Variants in TMEM230 observed in about 807,000 individuals in gnomAD.
The protein encoded by TMEM230 is UPF0414 transmembrane protein C20orf30.
Under a neutral mutation model 15.8 loss-of-function variants are expected in TMEM230, and 10 were observed. The observed-to-expected ratio is 0.63, with a 90% CI of 0.39 to 1.07. The LOEUF (loss-of-function observed/expected upper bound fraction) is 1.07, where lower values mean the gene tolerates loss of function less well. TMEM230 is among the 50% of genes least tolerant of loss of function. TMEM230 has a pLI of 0.01. For missense variants in TMEM230, 165 were observed against 193.3 expected (o/e 0.85, Z 0.87); for synonymous variants, 67 against 76.9 (o/e 0.87, Z 0.68).
chr20:5,108,695 C>T (rs552741716), intron 3 of TMEM230, among the ~76,000 whole-genome samples: 5 of 152,304 alleles, frequency 3.3e-5, no homozygotes, highest in East Asian at 1.9e-4. Context: ...GCTACTTCCT[C>T]GTTGGCCCTA....
intron 1 of TMEM230, among the ~76,000 whole-genome samples, chr20:5,112,007 C>A (rs1014686416): frequency 1.3e-5 from 2 of 152,088 alleles, no homozygotes; most frequent in Non-Finnish European, 2.9e-5. Context: ...CTACCACGCC[C>A]GGCTAATTTT....
chr20:5,105,494 G>A (rs1269640677), intron 4 of TMEM230, among the ~76,000 whole-genome samples: 1 of 151,850 alleles, frequency 6.6e-6, no homozygotes, highest in Non-Finnish European at 1.5e-5. Context: ...GGGAGGCTGA[G>A]GCACAAGAAT....
At chr20:5,084,209 C>T (rs1350950379) in intron 3 of TMEM230, among the ~76,000 whole-genome samples, 1 of 151,658 alleles carries the variant, frequency 6.6e-6, no homozygotes, top group East Asian at 1.9e-4. Flanking sequence ...TTTATGGCTG[C>T]ATAATATTCT....
At chr20:5,059,806 C>CCCA in the TMEM230 span, among the ~76,000 whole-genome samples, 3 of 130,694 alleles carry the variant, frequency 2.3e-5, no homozygotes, top group Non-Finnish European at 4.7e-5. Context: ...GACAGAGTCT[C>CCCA]GCTCTGTCGC....
At chr20:5,105,440 C>T (rs1411219474) in intron 4 of TMEM230, among the ~76,000 whole-genome samples, 1 of 151,610 alleles carries the variant, frequency 6.6e-6, no homozygotes, top group African/African-American at 2.4e-5. Context: ...AAAATACCAA[C>T]ATTAGCCGGG....
rs2122783654 is a variant in TMEM230, at chr20:5,106,274, T to C, written c.325A>G (p.Ile109Val). 1.2e-6 allele frequency: 2 copies of C among 1,614,032 alleles called. No individual in the cohort carries two copies. The highest frequency in any genetic ancestry group is 2.2e-5 in the East Asian group (1 of 44,884). ...AAAAACAGCACAGTGGCAAGTGCGA[T>C]GGCCTTATAAGGGATCTTAGGAGGG... The change falls in exon 4 of 5, where the codon ATC (isoleucine) becomes GTC (valine). Residue 109 changes from isoleucine to valine, a missense_variant. Transcript: ENST00000342308.
intron 3 of TMEM230, among the ~76,000 whole-genome samples, chr20:5,087,296 C>A (rs1382253207): frequency 6.6e-6 from 1 of 152,098 alleles, no homozygotes; most frequent in Non-Finnish European, 1.5e-5. Context: ...CCCTCCTAGA[C>A]AACAACCTTC....
At chr20:5,060,490 C>T in the TMEM230 span, among the ~76,000 whole-genome samples, 21 of 152,016 alleles carry the variant, frequency 1.4e-4, no homozygotes, top group African/African-American at 4.8e-4. Context: ...GAATAGACCA[C>T]GACGCCCAGC....
At chr20:5,109,726 G>A (rs1382916300) in intron 2 of TMEM230, among the ~76,000 whole-genome samples, 1 of 152,154 alleles carries the variant, frequency 6.6e-6, no homozygotes, top group Non-Finnish European at 1.5e-5. Context: ...CACTCACCAA[G>A]AATCACATTC....
Position 5,106,105 on chromosome 20 carries a change from ACACACACACACACACG to A in TMEM230, c.411+67_411+82del. ...CACACACACACACACACACACACAC[ACACACACACACACACG>A]CACACTAGAGCCTTGGCTAACATTT... On this transcript the variant is annotated intron_variant, in intron 4 of 4. Transcript: ENST00000342308. 3.3e-6 allele frequency: 5 copies of A among 1,521,340 alleles called. No homozygotes were observed. The African/African-American group carries it at 4.3e-5, about 13-fold the overall frequency. The allele number at this position is 1,521,340 out of a possible 1,614,324, so 94.2% of individuals were successfully genotyped here. A position where few individuals can be genotyped will look rare whatever the true frequency, so the allele number is the denominator to read the frequency against.
chr20:5,060,915 T>C, the TMEM230 span: 1 of 152,278 alleles, frequency 6.6e-6, no homozygotes, highest in African/African-American at 2.4e-5. Flanking sequence ...CAGATAGTTT[T>C]CCAAAGCCAT....
At chr20:5,085,136 G>A (rs1361939614) in intron 3 of TMEM230, among the ~76,000 whole-genome samples, 1 of 151,806 alleles carries the variant, frequency 6.6e-6, no homozygotes, top group Non-Finnish European at 1.5e-5. Flanking sequence ...CTGTATTCTT[G>A]GACTCCAGAT....
chr20:5,109,459 AC>A lies in TMEM230; in HGVS notation c.175-15del. ...ACGCTGACACAGCTACAGTTTAAAA[AC>A]AAAAAACCCGTTATTGTCTGTAGAT... On this transcript the variant is annotated splice_polypyrimidine_tract_variant and intron_variant, in intron 2 of 4. Transcript: ENST00000342308. 1 of 1,599,626 alleles carries A rather than the reference AC, an allele frequency of 6.3e-7. No homozygotes were observed. The highest frequency in any genetic ancestry group is 1.3e-5 in the African/African-American group (1 of 74,724).
intron 1 of TMEM230, 80 bp downstream of exon 1, chr20:5,112,881 T>G: frequency 6.5e-7 from 1 of 1,547,810 alleles, no homozygotes; most frequent in African/African-American, 1.4e-5. Context: ...GAGCTTGATT[T>G]CGGCGGGGAG....
intron 1 of TMEM230, chr20:5,111,795 T>C: frequency 1.0e-6 from 1 of 981,984 alleles, no homozygotes; most frequent in Non-Finnish European, 1.2e-6. Context: ...CTGTTCTAAG[T>C]ACTTTGTACA....
In TMEM230 at chr20:5,069,174, T is replaced by G; in HGVS notation, c.*14A>C. On this transcript the variant is annotated 3_prime_UTR_variant, in exon 4 of 4. Coordinates refer to the TMEM230 transcript ENST00000612323. ...CCCTTTTAAGATGCTTATCTCAAAT[T>G]AGAGGCACCAACCTCAGTCAGGTGA... 3 of 1,516,588 alleles carry G rather than the reference T, an allele frequency of 2.0e-6. No homozygotes were observed. The South Asian group carries it at 3.7e-5, about 19-fold the overall frequency. The allele number at this position is 1,516,588 out of a possible 1,614,324, so 93.9% of individuals were successfully genotyped here.
the TMEM230 span, among the ~76,000 whole-genome samples, chr20:5,062,710 C>T: frequency 6.6e-6 from 1 of 152,096 alleles, no homozygotes. Context: ...CTGCAGTGAG[C>T]CCTGACAGTG....
chr20:5,081,341 G>A (rs1004867897), intron 3 of TMEM230, among the ~76,000 whole-genome samples: 1 of 152,218 alleles, frequency 6.6e-6, no homozygotes, highest in Non-Finnish European at 1.5e-5. Flanking sequence ...AGCTGGAATC[G>A]GAAGGGACCC....
intron 3 of TMEM230, among the ~76,000 whole-genome samples, chr20:5,093,414 A>AT (rs1361099898): frequency 6.6e-6 from 1 of 151,814 alleles, no homozygotes; most frequent in South Asian, 2.1e-4. Flanking sequence ...TACCTGGCTA[A>AT]TTTTTTTGTA....
Sources: gnomAD v4.1 joint callset for allele counts (sites outside exome capture counted in the v4.1 genomes callset) on GRCh38, gnomAD v4.1.1 for gene constraint, MANE v1.5 for transcripts, NCBI Gene and HGNC (gene_info 2026-07-23, HGNC 2026-07-21) for gene names.